Variants in LHPP observed in about 807,000 individuals in gnomAD.
LHPP encodes the protein phospholysine phosphohistidine inorganic pyrophosphate phosphatase.
LHPP carries 24 observed loss-of-function variants against 30.3 expected under a neutral mutation model. The observed-to-expected ratio is 0.79, with a 90% CI of 0.57 to 1.11. LHPP has a LOEUF of 1.11. Among genes scored for constraint, LHPP ranks in the 50% most tolerant of loss-of-function variants. The pLI, the probability that LHPP is intolerant of heterozygous loss-of-function variation, is 0.00. For synonymous variants in LHPP, 150 were observed against 157.1 expected (o/e 0.95, Z 0.34); for missense variants, 356 against 367.2 (o/e 0.97, Z 0.25).
intron 6 of LHPP, among the ~76,000 whole-genome samples, chr10:124,522,723 G>C (rs1466814680): frequency 2.1e-5 from 3 of 143,242 alleles, no homozygotes; most frequent in African/African-American, 5.3e-5. Flanking sequence ...TGCTGCCCAC[G>C]CCCCCCCCCA....
rs1378509386 is a variant in LHPP, at chr10:124,461,872, TG to T, written c.14del (p.Gly5AlafsTer39). 8.0e-7 allele frequency: 1 copy of T among 1,255,932 alleles called. No individual in the cohort carries two copies. The allele number at this position is 1,255,932 out of a possible 1,614,324, so 77.8% of individuals were successfully genotyped here. MAP[W>X]GKRLAGVRGV... ...AGCAGGGCCGGGCGCCATGGCACCG[TG>T]GGGCAAGCGGCTGGCTGGCGTGCGC... On this transcript the variant is annotated frameshift_variant, in exon 1 of 7. Coordinates refer to ENST00000368842, the MANE Select transcript of LHPP (RefSeq NM_022126.4). LOFTEE classifies it high-confidence loss of function.
At chr10:124,550,455 T>C (rs965510232) in intron 6 of LHPP, among the ~76,000 whole-genome samples, 11 of 151,958 alleles carry the variant, frequency 7.2e-5, no homozygotes, top group Non-Finnish European at 1.6e-4. Context: ...TCAAAGTGAG[T>C]GCGCCTGCTT....
intron 6 of LHPP, among the ~76,000 whole-genome samples, chr10:124,612,348 T>C (rs555362849): frequency 2.6e-5 from 4 of 152,274 alleles, no homozygotes; most frequent in Non-Finnish European, 2.9e-5. Flanking sequence ...GAGGTTGCAG[T>C]GAGCCAAGAT....
At chr10:124,472,864 T>C (rs879747105) in intron 1 of LHPP, among the ~76,000 whole-genome samples, 2 of 152,148 alleles carry the variant, frequency 1.3e-5, no homozygotes, top group Non-Finnish European at 1.5e-5. Flanking sequence ...AGCCTAAACT[T>C]CCATTTTTGT....
intron 6 of LHPP, among the ~76,000 whole-genome samples, chr10:124,603,798 G>A (rs973411206): frequency 2.6e-5 from 4 of 152,290 alleles, no homozygotes; most frequent in East Asian, 1.9e-4. Flanking sequence ...GCTGGGCTCC[G>A]GGGCTCCAGG....
chr10:124,475,441 T>C (rs1288622614), intron 1 of LHPP, among the ~76,000 whole-genome samples: 2 of 151,790 alleles, frequency 1.3e-5, no homozygotes, highest in Non-Finnish European at 2.9e-5. Flanking sequence ...CTTGGGAGGC[T>C]GAGGCAGGAG....
chr10:124,500,712 A>G (rs886888481), intron 5 of LHPP, among the ~76,000 whole-genome samples: 1 of 150,488 alleles, frequency 6.6e-6, no homozygotes, highest in African/African-American at 2.5e-5. Flanking sequence ...ACTTCACACT[A>G]AGATGACTGT....
intron 3 of LHPP, among the ~76,000 whole-genome samples, chr10:124,491,796 G>A (rs1358135848): frequency 9.9e-5 from 15 of 152,152 alleles, no homozygotes; most frequent in African/African-American, 3.1e-4. Flanking sequence ...GTGGTGGTGC[G>A]TGCCTATAGT....
At chr10:124,610,987 AGC>A (rs2134022970) in intron 6 of LHPP, among the ~76,000 whole-genome samples, 2 of 29,318 alleles carry the variant, frequency 6.8e-5, no homozygotes, top group South Asian at 3.0e-3. Flanking sequence ...GTGCTGGTGG[AGC>A]GGGTGAGGGT....
intron 5 of LHPP, among the ~76,000 whole-genome samples, chr10:124,516,180 G>C (rs1432463900): frequency 6.6e-6 from 1 of 152,184 alleles, no homozygotes; most frequent in Non-Finnish European, 1.5e-5. Context: ...CTGAGATCAG[G>C]GTGCCAGCAA....
intron 6 of LHPP, among the ~76,000 whole-genome samples, chr10:124,565,827 G>A (rs12257551): frequency 0.35 from 52,827 of 152,122 alleles, 9,249 homozygotes; most frequent in South Asian, 0.46. Context: ...CTGTGGATCC[G>A]CCCTGCTCCA....
intron 6 of LHPP, among the ~76,000 whole-genome samples, chr10:124,535,541 A>T (rs939064867): frequency 1.3e-5 from 2 of 152,076 alleles, no homozygotes; most frequent in African/African-American, 4.8e-5. Context: ...GACTATAGGC[A>T]CATGCCACAA....
Position 124,478,961 on chromosome 10 carries a change from C to T in LHPP, c.126-5178C>T, listed in dbSNP as rs1953042029. ...GTGGGCACCTGTAATCCCAGCTACT[C>T]GGGAGACTGAGGCAGGAGAATTGCT... On this transcript the variant is annotated intron_variant, in intron 1 of 6. Transcript: ENST00000368842. This position sits in a 1 kb window ranked among gnomAD's most constrained non-coding sequence, Gnocchi z 4.7. Among the ~76,000 whole-genome samples the T allele has an allele frequency of 6.6e-6, 1 of 151,656 alleles. No individual in the cohort carries two copies. Among genetic ancestry groups the T allele is most frequent in the Non-Finnish European group, 1.5e-5 (1 of 67,958 alleles).
chr10:124,470,106 G>A (rs1163527349), intron 1 of LHPP, among the ~76,000 whole-genome samples: 2 of 152,210 alleles, frequency 1.3e-5, no homozygotes, highest in African/African-American at 4.8e-5. Flanking sequence ...GCCCTTTATT[G>A]AAGCCCTTTC....
chr10:124,495,705 T>G (rs2133869945), intron 3 of LHPP, among the ~76,000 whole-genome samples: 1 of 152,320 alleles, frequency 6.6e-6, no homozygotes, highest in South Asian at 2.1e-4. Flanking sequence ...GTGTTCATTT[T>G]TTCCTTCCCC....
rs966848142 is a variant in LHPP, at chr10:124,517,878, G to C, written c.716+607G>C. On this transcript the variant is annotated intron_variant, in intron 6 of 6. Coordinates refer to ENST00000368842, the MANE Select transcript of LHPP (RefSeq NM_022126.4). The surrounding 1 kb of genome is among the most constrained non-coding windows in gnomAD (Gnocchi z 4.1). ...TGGTACCCAAGCTCCAGCTCGCCTG[G>C]TCATCGAGAGGATCTTGGACATCAG... Among the ~76,000 whole-genome samples the C allele has an allele frequency of 6.6e-6, 1 of 152,220 alleles. No homozygotes were observed. The highest frequency in any genetic ancestry group is 6.5e-5 in the Admixed American group (1 of 15,288).
chr10:124,486,022 C>T (rs180923136), intron 2 of LHPP, among the ~76,000 whole-genome samples: 2 of 151,920 alleles, frequency 1.3e-5, no homozygotes, highest in Non-Finnish European at 2.9e-5. Context: ...GATGCATTTC[C>T]GAGTAAAATG....
At chr10:124,570,354 C>T (rs538040889) in intron 6 of LHPP, among the ~76,000 whole-genome samples, 3 of 152,310 alleles carry the variant, frequency 2.0e-5, no homozygotes, top group Admixed American at 6.5e-5. Context: ...CTATGTGAGT[C>T]GGGCACTGGG....
chr10:124,582,472 C>A (rs1404304988), intron 6 of LHPP, among the ~76,000 whole-genome samples: 1 of 152,114 alleles, frequency 6.6e-6, no homozygotes, highest in Non-Finnish European at 1.5e-5. Context: ...AGGCCTTTAT[C>A]AAATATATGA....
Sources: gnomAD v4.1 joint callset for allele counts (sites outside exome capture counted in the v4.1 genomes callset) on GRCh38, gnomAD v4.1.1 for gene constraint, Gnocchi (gnomAD v3.1) non-coding constraint, MANE v1.5 for transcripts, NCBI Gene and HGNC (gene_info 2026-07-23, HGNC 2026-07-21) for gene names.